UNC5C: variants seen among roughly 807,000 people sequenced by gnomAD.
UNC5C encodes the protein unc-5 netrin receptor C, also known as netrin receptor UNC5C.
In UNC5C, 47 loss-of-function variants were observed where a neutral mutation model predicts 99.8. The observed-to-expected ratio is 0.47, with a 90% CI of 0.37 to 0.60. The LOEUF is 0.60. Among genes scored for constraint, UNC5C ranks in the 20% least tolerant of loss-of-function variants. UNC5C has a pLI of 0.00. For missense variants in UNC5C, 1,062 were observed against 1,165.9 expected, an observed-to-expected ratio of 0.91 and a Z score of 1.30; for synonymous variants, 487 against 452.2, an observed-to-expected ratio of 1.08 and a Z score of -0.98.
At chr4:95,328,088 A>G (rs1295278169) in intron 2 of UNC5C, among the ~76,000 whole-genome samples, 1 of 84,390 alleles carries the variant, frequency 1.2e-5, no homozygotes, top group Non-Finnish European at 2.4e-5. Flanking sequence ...ATTATACTTT[A>G]AGTTTTAGGG....
At chr4:95,317,383 A>T (rs566197526) in intron 2 of UNC5C, among the ~76,000 whole-genome samples, 10 of 152,190 alleles carry the variant, frequency 6.6e-5, no homozygotes, top group Non-Finnish European at 1.3e-4. Context: ...CTGCATTAAC[A>T]ACGTGTTTAC....
chr4:95,440,597 T>C (rs958034803), intron 1 of UNC5C, among the ~76,000 whole-genome samples: 7 of 152,126 alleles, frequency 4.6e-5, no homozygotes, highest in Admixed American at 3.3e-4. Context: ...CACTTGTATA[T>C]AATTTTAAGG....
At position 95,536,075 on chromosome 4, in the gene UNC5C, TATA is replaced by T. The variant is rs1222181088; in HGVS notation, c.124+12656_124+12658del. Among the ~76,000 whole-genome samples, 1,138 of 115,304 alleles carry T rather than the reference TATA, an allele frequency of 9.9e-3. 13 individuals are homozygous for T. The highest frequency in any genetic ancestry group is 0.051 in the East Asian group (202 of 3,980). 75.6% of individuals were successfully genotyped at this position (115,304 alleles called of 152,430 possible). On this transcript the variant is annotated intron_variant, in intron 1 of 15. Coordinates refer to ENST00000453304, the MANE Select transcript of UNC5C (RefSeq NM_003728.4). ...ATACATACATACATATATATATATATATATATATTTTTTTTTTTTGAGATGGAG... is the reference window on the plus strand; with the variant it reads ...ATACATACATACATATATATATATATTATATTTTTTTTTTTTGAGATGGAG...
At chr4:95,340,212 A>AC (rs1743514289) in intron 1 of UNC5C, among the ~76,000 whole-genome samples, 1 of 152,084 alleles carries the variant, frequency 6.6e-6, no homozygotes, top group Non-Finnish European at 1.5e-5. Flanking sequence ...TCAAGCCTTA[A>AC]TTTTCATCAA....
intron 3 of UNC5C, among the ~76,000 whole-genome samples, chr4:95,293,599 G>A (rs891686141): frequency 2.0e-5 from 3 of 151,998 alleles, no homozygotes; most frequent in South Asian, 2.1e-4. Flanking sequence ...GGATTACAAC[G>A]TAAGACATTG....
intron 4 of UNC5C, among the ~76,000 whole-genome samples, chr4:95,271,352 C>T (rs1056834206): frequency 6.6e-6 from 1 of 152,084 alleles, no homozygotes; most frequent in East Asian, 1.9e-4. Context: ...CTCAGCCTCC[C>T]GCGTAGCTGG....
chr4:95,529,936 C>A (rs1398547440), intron 1 of UNC5C, among the ~76,000 whole-genome samples: 1 of 152,112 alleles, frequency 6.6e-6, no homozygotes, highest in African/African-American at 2.4e-5. Flanking sequence ...TTTTAATCCA[C>A]CGAAGTTTAG....
intron 1 of UNC5C, among the ~76,000 whole-genome samples, chr4:95,340,779 C>A (rs1174616651): frequency 6.6e-6 from 1 of 152,056 alleles, no homozygotes; most frequent in Non-Finnish European, 1.5e-5. Context: ...CCATTTTCTG[C>A]CCGCTTAAGC....
intron 1 of UNC5C, among the ~76,000 whole-genome samples, chr4:95,493,848 A>G (rs1434983284): frequency 1.3e-5 from 2 of 151,490 alleles, no homozygotes; most frequent in Non-Finnish European, 3.0e-5. Flanking sequence ...CAATTCTGCT[A>G]TATTAATAAA....
intron 1 of UNC5C, among the ~76,000 whole-genome samples, chr4:95,543,327 T>C (rs923197401): frequency 2.0e-5 from 3 of 152,166 alleles, no homozygotes; most frequent in Non-Finnish European, 4.4e-5. Flanking sequence ...ATCTCAAAAG[T>C]CTGACAGAAA....
At chr4:95,341,220 A>C (rs2149423917) in intron 1 of UNC5C, among the ~76,000 whole-genome samples, 1 of 152,278 alleles carries the variant, frequency 6.6e-6, no homozygotes, top group South Asian at 2.1e-4. Flanking sequence ...ATTTGTCTAA[A>C]GAATACATGA....
intron 1 of UNC5C, among the ~76,000 whole-genome samples, chr4:95,424,215 AAAAT>A (rs1746397715): frequency 1.3e-5 from 2 of 152,284 alleles, no homozygotes; most frequent in South Asian, 4.1e-4. Context: ...TGAAAATAAA[AAAAT>A]AAACCGGAAT....
At chr4:95,255,640 T>C (rs1042236400) in intron 4 of UNC5C, among the ~76,000 whole-genome samples, 21 of 152,106 alleles carry the variant, frequency 1.4e-4, no homozygotes, top group African/African-American at 5.1e-4. Context: ...TTGTACTCCG[T>C]ATCTTAGTCT....
intron 4 of UNC5C, among the ~76,000 whole-genome samples, chr4:95,270,921 T>C (rs1159281390): frequency 2.0e-5 from 3 of 152,214 alleles, no homozygotes; most frequent in Non-Finnish European, 4.4e-5. Context: ...TTTCTTCTTA[T>C]TTACCAGTTA....
At chr4:95,538,075 T>C (rs748479684) in intron 1 of UNC5C, among the ~76,000 whole-genome samples, 1 of 152,226 alleles carries the variant, frequency 6.6e-6, no homozygotes, top group Non-Finnish European at 1.5e-5. Context: ...TCTTGTTATA[T>C]AGACTGTTAC....
At chr4:95,208,037 C>G (rs996638632) in intron 10 of UNC5C, among the ~76,000 whole-genome samples, 1 of 152,162 alleles carries the variant, frequency 6.6e-6, no homozygotes, top group African/African-American at 2.4e-5. Flanking sequence ...AGCATGGTTT[C>G]CAGATCTCTC....
Position 95,206,752 on chromosome 4 carries a change from C to G in UNC5C, c.1778G>C (p.Ser593Thr). 6.2e-7 allele frequency: 1 copy of G among 1,613,382 alleles called. No individual in the cohort carries two copies. Among genetic ancestry groups the G allele is most frequent in the Non-Finnish European group, 8.5e-7 (1 of 1,179,674 alleles). Residue 593 changes from serine (S) to threonine (T), a missense_variant, in exon 11 of 16, where the codon AGC becomes ACC. Physicochemically the swap from Ser to Thr is moderately conservative, Grantham distance 58 (BLOSUM62 1). Coordinates refer to ENST00000453304, the MANE Select transcript of UNC5C (RefSeq NM_003728.4). ...DSQTLLTPVV[S>T]CGPPGALLTR... ...GAGCAGAGCTCCTGGGGGCCCACAGCTCACCACAGGGGTCAAAAGTGTCTG... is the reference window on the plus strand; with the variant it reads ...GAGCAGAGCTCCTGGGGGCCCACAGGTCACCACAGGGGTCAAAAGTGTCTG...
chr4:95,212,751 T>C (rs1472179827), intron 10 of UNC5C, among the ~76,000 whole-genome samples: 1 of 152,202 alleles, frequency 6.6e-6, no homozygotes, highest in Admixed American at 6.5e-5. Flanking sequence ...TTCTCACCTT[T>C]CTCACAATTG....
At chr4:95,214,058 C>G (rs538072146) in intron 10 of UNC5C, among the ~76,000 whole-genome samples, 2 of 152,210 alleles carry the variant, frequency 1.3e-5, no homozygotes, top group African/African-American at 4.8e-5. Flanking sequence ...GAGCTCATCA[C>G]AGCTTGCAGA....
Sources: gnomAD v4.1 joint callset for allele counts (sites outside exome capture counted in the v4.1 genomes callset) on GRCh38, gnomAD v4.1.1 for gene constraint, MANE v1.5 for transcripts, NCBI Gene and HGNC (gene_info 2026-07-23, HGNC 2026-07-21) for gene names.